Variants in HDGFL3 observed in about 807,000 individuals in gnomAD.
HDGFL3 encodes HDGF like 3.
Under a neutral mutation model 27.6 loss-of-function variants are expected in HDGFL3, and 6 were observed. The ratio of observed to expected loss-of-function variants is 0.22; its 90% confidence interval spans 0.12 to 0.43. The LOEUF is 0.43. Ranked by LOEUF, HDGFL3 falls within the 20% of genes least tolerant of loss-of-function variation. The probability of loss-of-function intolerance (pLI) is 1.00; values close to 1 mark genes in which losing one functional copy is unlikely to be tolerated. For synonymous variants in HDGFL3, 88 were observed against 88.9 expected (o/e 0.99, Z 0.05); for missense variants, 207 against 250.1 (o/e 0.83, Z 1.16).
chr15:83,157,479 T>A lies in HDGFL3; in HGVS notation c.395A>T (p.Asp132Val), dbSNP rs1483356064. 1 of 1,613,268 alleles carries A rather than the reference T, an allele frequency of 6.2e-7. No homozygotes were observed. Among genetic ancestry groups the A allele is most frequent in the South Asian group, 1.1e-5 (1 of 91,064 alleles). ...SEEEGDRVEE[D>V]GKGKRKNEKA... ...TTCATTCTTTCTTTTGCCTTTTCCATCTTCTTCTACTCTATCACCTTCTTC... is the reference window on the plus strand; with the variant it reads ...TTCATTCTTTCTTTTGCCTTTTCCAACTTCTTCTACTCTATCACCTTCTTC... Residue 132 changes from aspartate (D) to valine (V), a missense_variant, in exon 4 of 6, where the codon GAT (aspartate) becomes GTT (valine). By Grantham distance (152) the Asp-to-Val change is radical (BLOSUM62 -3). Transcript: ENST00000299633.
intron 1 of HDGFL3, chr15:83,192,225 A>G (rs747190197): frequency 8.9e-6 from 4 of 449,448 alleles, no homozygotes; most frequent in Non-Finnish European, 1.8e-5. Context: ...TACAGGCATG[A>G]GCCACAGTGC....
At chr15:83,154,036 C>T (rs1019114886) in intron 4 of HDGFL3, among the ~76,000 whole-genome samples, 6 of 151,752 alleles carry the variant, frequency 4.0e-5, no homozygotes, top group African/African-American at 9.7e-5. Flanking sequence ...AAAAACAGGC[C>T]GGGCACAGTG....
At chr15:83,124,796 A>G (rs1346394740), downstream of HDGFL3, 1 of 1,565,556 alleles carries the variant, frequency 6.4e-7, no homozygotes, top group African/African-American at 1.4e-5. Context: ...ACAGATCATA[A>G]TAACGTAACA....
Position 83,207,395 on chromosome 15 carries a change from C to A in HDGFL3, c.20G>T (p.Arg7Leu). 3 of 1,357,576 alleles carry A rather than the reference C, an allele frequency of 2.2e-6. No homozygotes were observed. Among genetic ancestry groups the A allele is most frequent in the East Asian group, 2.9e-5 (1 of 35,070 alleles). The allele number at this position is 1,357,576 out of a possible 1,614,324, so 84.1% of individuals were successfully genotyped here. ...GACCAGGTCGCCCGCTTTGTACTCGCGGGGCCGCGGACGCGCCATCCCAGC... is the reference window on the plus strand; with the variant it reads ...GACCAGGTCGCCCGCTTTGTACTCGAGGGGCCGCGGACGCGCCATCCCAGC... Reference protein sequence around the residue: MARPRPREYKAGDLVFA... With the variant: MARPRPLEYKAGDLVFA... Residue 7 changes from arginine (R) to leucine (L), a missense_variant, in exon 1 of 6, where the codon CGC (arginine) becomes CTC (leucine). Coordinates refer to ENST00000299633, the MANE Select transcript of HDGFL3 (RefSeq NM_016073.4). This position sits in a 1 kb window ranked among gnomAD's most constrained non-coding sequence, Gnocchi z 4.8.
At chr15:83,182,936 A>T (rs544470108) in intron 1 of HDGFL3, among the ~76,000 whole-genome samples, 2 of 152,360 alleles carry the variant, frequency 1.3e-5, no homozygotes, top group African/African-American at 4.8e-5. Flanking sequence ...AATGCTAACT[A>T]TAGAATGTAG....
At chr15:83,126,105 G>A (rs550483768), downstream of HDGFL3, among the ~76,000 whole-genome samples, 1 of 152,142 alleles carries the variant, frequency 6.6e-6, no homozygotes, top group Non-Finnish European at 1.5e-5. Flanking sequence ...TGCAAGGTGG[G>A]TAGGGCTTTT....
At chr15:83,177,580 T>C (rs1379968595) in intron 1 of HDGFL3, among the ~76,000 whole-genome samples, 2 of 152,216 alleles carry the variant, frequency 1.3e-5, no homozygotes, top group Non-Finnish European at 2.9e-5. Flanking sequence ...ATTTCTAATA[T>C]TCCTAGTTAG....
In HDGFL3 at chr15:83,133,515, G is replaced by A. The variant is rs2036399335; in HGVS notation, c.*5755C>T. ...CAGAGTATATCTCTTAATTATTTCT[G>A]TAAGGTGAAAATGATTTAGAATGAA... is the stretch of plus-strand genomic sequence containing the variant. On this transcript the variant is annotated 3_prime_UTR_variant, in exon 6 of 6. Coordinates refer to ENST00000299633, the MANE Select transcript of HDGFL3 (RefSeq NM_016073.4). The A allele has an allele frequency of 6.6e-6, 1 of 152,090 alleles. No individual in the cohort carries two copies. The highest frequency in any genetic ancestry group is 6.5e-5 in the Admixed American group (1 of 15,268). 9.4% of individuals were successfully genotyped at this position (152,090 alleles called of 1,614,324 possible). A position where few individuals can be genotyped will look rare whatever the true frequency, so the allele number is the denominator to read the frequency against.
chr15:83,189,222 A>G (rs1192471117), intron 1 of HDGFL3: 2 of 152,068 alleles, frequency 1.3e-5, no homozygotes, highest in Admixed American at 1.3e-4. Context: ...CCAACAATCA[A>G]TTCTTCAGTC....
rs963013425 is a variant in HDGFL3 at position 83,204,102 on chromosome 15, A to G, written c.84+3229T>C. Among the ~76,000 whole-genome samples, 13 of 150,824 alleles carry G rather than the reference A, an allele frequency of 8.6e-5. No individual in the cohort carries two copies. In the East Asian group the frequency reaches 2.5e-3, roughly 29 times the overall value. On this transcript the variant is annotated intron_variant, in intron 1 of 5. Transcript: ENST00000299633. ...GGGAGAAGGAAGGAGGAGGACAGGA[A>G]TCTACCAGAAAGAGGCATGAGAGTA...
At chr15:83,127,334 A>G (rs767653249), downstream of HDGFL3, 7 of 1,548,568 alleles carry the variant, frequency 4.5e-6, no homozygotes, top group Non-Finnish European at 6.1e-6. Flanking sequence ...TTTGCTGATG[A>G]TGTTATTTCT....
chr15:83,155,376 A>G (rs1164133275), intron 4 of HDGFL3, among the ~76,000 whole-genome samples: 1 of 152,230 alleles, frequency 6.6e-6, no homozygotes, highest in Non-Finnish European at 1.5e-5. Flanking sequence ...TATCCACACT[A>G]TTAAATGCCT....
At chr15:83,162,765 A>G (rs1438669496) in intron 2 of HDGFL3, among the ~76,000 whole-genome samples, 1 of 152,214 alleles carries the variant, frequency 6.6e-6, no homozygotes, top group Non-Finnish European at 1.5e-5. Context: ...CAAGCTAAGA[A>G]AGTTCATGCT....
chr15:83,202,217 T>C (rs1412845391), intron 1 of HDGFL3, among the ~76,000 whole-genome samples: 5 of 152,128 alleles, frequency 3.3e-5, no homozygotes, highest in Non-Finnish European at 7.4e-5. Flanking sequence ...GCTAGAGATA[T>C]GAAAAAACTA....
At chr15:83,140,185 T>C (rs186950764) in intron 5 of HDGFL3, among the ~76,000 whole-genome samples, 2 of 152,306 alleles carry the variant, frequency 1.3e-5, no homozygotes, top group Admixed American at 6.5e-5. Context: ...TATATTATAA[T>C]AAACGATTCC....
chr15:83,144,077 A>G (rs1641021114), intron 5 of HDGFL3, among the ~76,000 whole-genome samples: 1 of 152,182 alleles, frequency 6.6e-6, no homozygotes, highest in South Asian at 2.1e-4. Flanking sequence ...TCAGCACCAG[A>G]CAAGGCTGCC....
Position 83,114,893 on chromosome 15 carries a change from T to C in HDGFL3, c.*816A>G, listed in dbSNP as rs527251751. 6 of 152,376 alleles carry C rather than the reference T, an allele frequency of 3.9e-5. No individual in the cohort carries two copies. In the East Asian group the frequency reaches 9.6e-4, roughly 24 times the overall value. 9.4% of individuals were successfully genotyped at this position (152,376 alleles called of 1,614,324 possible). A position where few individuals can be genotyped will look rare whatever the true frequency, so the allele number is the denominator to read the frequency against. On this transcript the variant is annotated 3_prime_UTR_variant, in exon 4 of 4. Coordinates refer to the HDGFL3 transcript ENST00000568294. ...CCCATTTAGGAGATGCTCACAACTC[T>C]GGTAAGATTCTCTGACAGGTATAGC...
rs1176111946 is a variant in HDGFL3 at position 83,149,630 on chromosome 15, T to C, written c.606+1585A>G. Among the ~76,000 whole-genome samples the C allele has an allele frequency of 2.0e-5, 3 of 152,262 alleles. No individual in the cohort carries two copies. The East Asian group carries it at 5.8e-4, about 29-fold the overall frequency. On this transcript the variant is annotated intron_variant, in intron 5 of 5. Transcript: ENST00000299633. Reference sequence around the variant, plus strand: ...CAAGGAGAGGATCACTAGGAACCTTTACAAGAGCAATTTCAATGAAGTGGT... The same window carrying C: ...CAAGGAGAGGATCACTAGGAACCTTCACAAGAGCAATTTCAATGAAGTGGT...
intron 1 of HDGFL3, among the ~76,000 whole-genome samples, chr15:83,200,689 A>G (rs953285221): frequency 1.3e-5 from 2 of 152,176 alleles, no homozygotes; most frequent in African/African-American, 4.8e-5. Context: ...AAAGAGGTTC[A>G]CAATAAAAAA....
Sources: gnomAD v4.1 joint callset for allele counts (sites outside exome capture counted in the v4.1 genomes callset) on GRCh38, gnomAD v4.1.1 for gene constraint, Gnocchi (gnomAD v3.1) non-coding constraint, MANE v1.5 for transcripts, NCBI Gene and HGNC (gene_info 2026-07-23, HGNC 2026-07-21) for gene names.